SLC6A7: variants seen among roughly 807,000 people sequenced by gnomAD.
SLC6A7 encodes solute carrier family 6 member 7.
A neutral mutation model predicts 73.1 loss-of-function variants in SLC6A7; 58 were observed. That is an observed-to-expected ratio of 0.79 (90% CI 0.64 to 0.99). The LOEUF (loss-of-function observed/expected upper bound fraction) is 0.99. SLC6A7 is among the 50% of genes least tolerant of loss of function. SLC6A7 has a pLI of 0.00. For synonymous variants in SLC6A7, 338 were observed against 338.7 expected (o/e 1.00, Z 0.02); for missense variants, 783 against 831.4 (o/e 0.94, Z 0.72).
At chr5:150,198,113 AAGAGAAAGAAAG>A (rs1383148580) in intron 4 of SLC6A7, among the ~76,000 whole-genome samples, 13 of 56,448 alleles carry the variant, frequency 2.3e-4, no homozygotes, top group African/African-American at 5.0e-4. Flanking sequence ...GAAAGAAAGA[AAGAGAAAGAAAG>A]AAAGAAAGAA....
At chr5:150,207,883 G>T (rs1231541977) in intron 13 of SLC6A7, among the ~76,000 whole-genome samples, 1 of 152,000 alleles carries the variant, frequency 6.6e-6, no homozygotes, top group Non-Finnish European at 1.5e-5. Context: ...GGGTGATTTT[G>T]CCCTTGGGGG....
In SLC6A7 at chr5:150,200,147, C is replaced by T. The variant is rs935508372; in HGVS notation, c.723+781C>T. Among the ~76,000 whole-genome samples, 10 of 152,086 alleles carry T rather than the reference C, an allele frequency of 6.6e-5. 1 individual carries two copies. Among genetic ancestry groups the T allele is most frequent in the Admixed American group, 3.3e-4 (5 of 15,274 alleles). ...AACTAGAGACTGGAAGACAAAGCCACGGATGTCTACTTTAGGTGATGAAGG... is the reference window on the plus strand; with the variant it reads ...AACTAGAGACTGGAAGACAAAGCCATGGATGTCTACTTTAGGTGATGAAGG... On this transcript the variant is annotated intron_variant, in intron 5 of 13. Coordinates refer to ENST00000230671, the MANE Select transcript of SLC6A7 (RefSeq NM_014228.5).
Position 150,204,734 on chromosome 5 carries a change from G to A in SLC6A7, c.1433-93G>A, listed in dbSNP as rs1220166502. On this transcript the variant is annotated intron_variant, in intron 11 of 13. Coordinates refer to ENST00000230671, the MANE Select transcript of SLC6A7 (RefSeq NM_014228.5). ...CTGGGTCCCTGGTCCCAAGGGCCAG[G>A]GTTTCCAGTGGGGGCAGCTGGGGTA... is the stretch of plus-strand genomic sequence containing the variant. 4.5e-6 allele frequency: 6 copies of A among 1,342,238 alleles called. No individual in the cohort carries two copies. In the African/African-American group the frequency reaches 5.7e-5, roughly 13 times the overall value. The allele number at this position is 1,342,238 out of a possible 1,614,324, so 83.1% of individuals were successfully genotyped here.
At position 150,209,419 on chromosome 5, in the gene SLC6A7, C is replaced by G. The variant is rs1259784876; in HGVS notation, c.1715C>G (p.Ala572Gly). Residue 572 changes from alanine (A) to glycine (G), a missense_variant, in exon 14 of 14, where the codon GCC becomes GGC. Ala to Gly is a moderately conservative substitution (Grantham distance 60, BLOSUM62 0). Coordinates refer to ENST00000230671, the MANE Select transcript of SLC6A7 (RefSeq NM_014228.5). ...GCTTTGCTGCAGCGGCTCCAACAGG[C>G]CAGCCGGCCGGCCATGGACTGGGGA... ...EGSLWERLQQ[A>G]SRPAMDWGPS... 6.2e-7 allele frequency: 1 copy of G among 1,613,358 alleles called. No homozygotes were observed. The highest frequency in any genetic ancestry group is 1.3e-5 in the African/African-American group (1 of 74,932).
intron 1 of SLC6A7, among the ~76,000 whole-genome samples, chr5:150,194,321 C>T (rs933292462): frequency 4.0e-5 from 6 of 151,422 alleles, no homozygotes; most frequent in South Asian, 2.1e-4. Flanking sequence ...CCCAGCTACT[C>T]GGGAGGCTGA....
intron 12 of SLC6A7, 100 bp from the exon 13 acceptor site, chr5:150,205,356 G>C: frequency 1.0e-6 from 1 of 957,918 alleles, no homozygotes; most frequent in South Asian, 1.6e-5. Context: ...CTCTGGGCTG[G>C]ACTGTCTCAG....
Position 150,209,804 on chromosome 5 carries a change from C to A in SLC6A7, c.*189C>A. On this transcript the variant is annotated 3_prime_UTR_variant, in exon 14 of 14. Transcript: ENST00000230671. ...TCCTGAAACCTCTGACAACCCCCTA[C>A]ACACACACACAGGCATACTCAGACC... 1 of 563,404 alleles carries A rather than the reference C, an allele frequency of 1.8e-6. No individual in the cohort carries two copies. The highest frequency in any genetic ancestry group is 2.0e-5 in the South Asian group (1 of 49,550). 34.9% of individuals were successfully genotyped at this position (563,404 alleles called of 1,614,324 possible).
rs376019943 is a variant in SLC6A7, at chr5:150,194,300, G to A, written c.34-428G>A. On this transcript the variant is annotated intron_variant, in intron 1 of 13. Transcript: ENST00000230671. ...AAACATTAGCCGGGCGTGGTGGTGG[G>A]CGCCTGTAGTCCCAGCTACTCGGGA... Among the ~76,000 whole-genome samples, 20 of 152,086 alleles carry A rather than the reference G, an allele frequency of 1.3e-4. 1 individual carries two copies. In the South Asian group the frequency reaches 4.0e-3, roughly 30 times the overall value.
rs780481665 is a variant in SLC6A7, at chr5:150,194,810, A to G, written c.116A>G (p.Asn39Ser). 6.8e-6 allele frequency: 11 copies of G among 1,614,088 alleles called. No individual in the cohort carries two copies. In the South Asian group the frequency reaches 8.8e-5, roughly 13 times the overall value. Reference sequence around the variant, plus strand: ...GTGGACTTTGCTGCACACCGGGGGAACTGGACAGGCAAGCTGGACTTCCTG... The same window carrying G: ...GTGGACTTTGCTGCACACCGGGGGAGCTGGACAGGCAAGCTGGACTTCCTG... ...LDVDFAAHRG[N>S]WTGKLDFLLS... The change falls in exon 2 of 14, where the codon AAC (asparagine) becomes AGC (serine). Residue 39 changes from asparagine (N) to serine (S), a missense_variant. Asn to Ser is a conservative substitution (Grantham distance 46). Coordinates refer to ENST00000230671, the MANE Select transcript of SLC6A7 (RefSeq NM_014228.5).
At chr5:150,206,919 G>T (rs72837566) in intron 13 of SLC6A7, among the ~76,000 whole-genome samples, 32,808 of 152,204 alleles carry the variant, frequency 0.22, 3,713 homozygotes, top group South Asian at 0.33. Flanking sequence ...CTGCCCTGCT[G>T]CCCTGTCCCA....
chr5:150,203,827 G>GTGTC (rs1259966851), intron 9 of SLC6A7, 48 bp downstream of exon 9: 6 of 1,097,910 alleles, frequency 5.5e-6, no homozygotes, highest in Non-Finnish European at 8.1e-6. Context: ...TGTGGTGTGT[G>GTGTC]TGTGTGTGTG....
intron 8 of SLC6A7, among the ~76,000 whole-genome samples, chr5:150,203,363 T>C (rs548426778): frequency 8.3e-4 from 126 of 152,324 alleles, no homozygotes; most frequent in Non-Finnish European, 1.3e-3. Flanking sequence ...TGCCAGTGGA[T>C]GCATGTAAAT....
At chr5:150,203,044 AGCATGG>A (rs1271104078) in intron 8 of SLC6A7, among the ~76,000 whole-genome samples, 8 of 151,560 alleles carry the variant, frequency 5.3e-5, no homozygotes, top group African/African-American at 1.9e-4. Flanking sequence ...ACTGCCCTCT[AGCATGG>A]GCAACAGAGC....
chr5:150,202,268 C>A, intron 6 of SLC6A7, 79 bp from the exon 7 acceptor site: 2 of 996,810 alleles, frequency 2.0e-6, no homozygotes, highest in Non-Finnish European at 1.6e-6. Context: ...CTGGAGCTGT[C>A]ACACCATCTT....
intron 4 of SLC6A7, among the ~76,000 whole-genome samples, chr5:150,198,106 A>G (rs758591): frequency 0.15 from 7,897 of 53,750 alleles, 390 homozygotes; most frequent in Middle Eastern, 0.22. Context: ...AAAGAAAGAA[A>G]GAAAGAAAGA....
chr5:150,199,201 G>GGT, intron 4 of SLC6A7, 27 bp from the exon 5 acceptor site: 1 of 1,563,832 alleles, frequency 6.4e-7, no homozygotes, highest in Non-Finnish European at 8.7e-7. Context: ...GGTGACCAGG[G>GGT]GACACTGAGA....
At chr5:150,207,470 G>A (rs1467546137) in intron 13 of SLC6A7, among the ~76,000 whole-genome samples, 2 of 152,190 alleles carry the variant, frequency 1.3e-5, no homozygotes, top group Non-Finnish European at 2.9e-5. Context: ...TTAAACTCCT[G>A]GCCTCAAGTG....
chr5:150,203,809 C>CGTGTGTGTGTGGTGTGTGTGTGTGT, intron 9 of SLC6A7, 30 bp downstream of exon 9: 1 of 1,468,382 alleles, frequency 6.8e-7, no homozygotes, highest in South Asian at 1.1e-5. Flanking sequence ...GCAGGCACCC[C>CGTGTGTGTGTGGTGTGTGTGTGTGT]GTGTGTGTGT....
rs146452846 is a variant in SLC6A7 at position 150,193,110 on chromosome 5, T to C, written c.34-1618T>C. Among the ~76,000 whole-genome samples, 601 of 152,362 alleles carry C rather than the reference T, an allele frequency of 3.9e-3. 5 individuals carry two copies. The highest frequency in any genetic ancestry group is 0.014 in the African/African-American group (568 of 41,594). ...TGTATTTGTTTCACCCCTTGCAGCCTAGTTACTTTAAAAACAGCTCTTCAT... is the reference window on the plus strand; with the variant it reads ...TGTATTTGTTTCACCCCTTGCAGCCCAGTTACTTTAAAAACAGCTCTTCAT... On this transcript the variant is annotated intron_variant, in intron 1 of 13. Transcript: ENST00000230671.
Sources: allele counts gnomAD v4.1 joint callset (sites outside exome capture counted in the v4.1 genomes callset), GRCh38; gene constraint gnomAD v4.1.1; transcripts MANE v1.5; gene names NCBI Gene and HGNC (gene_info 2026-07-23, HGNC 2026-07-21).